The following SCAPER variants were observed in gnomAD, a reference collection of about 807,000 sequenced individuals.
SCAPER encodes the protein S-phase cyclin A associated protein in the ER, also known as S phase cyclin A-associated protein in the endoplasmic reticulum.
In SCAPER, 98 loss-of-function variants were observed where a neutral mutation model predicts 182.2. That is an observed-to-expected ratio of 0.54 (90% CI 0.46 to 0.64). SCAPER has a LOEUF of 0.64. Among genes scored for constraint, SCAPER ranks in the 30% least tolerant of loss-of-function variants. The pLI, the probability that SCAPER is intolerant of heterozygous loss-of-function variation, is 0.00. For synonymous variants in SCAPER, 605 were observed against 564.6 expected (o/e 1.07, Z -1.01); for missense variants, 1,432 against 1,690.0 (o/e 0.85, Z 2.68).
chr15:76,704,291 T>C (rs1287272934), intron 18 of SCAPER, among the ~76,000 whole-genome samples: 1 of 152,174 alleles, frequency 6.6e-6, no homozygotes. Flanking sequence ...ACTCTGATGG[T>C]AGTTTCTTTT....
intron 23 of SCAPER, among the ~76,000 whole-genome samples, chr15:76,513,965 T>C (rs951314843): frequency 5.9e-5 from 9 of 152,188 alleles, no homozygotes; most frequent in African/African-American, 2.2e-4. Flanking sequence ...CCCTTACCAC[T>C]TTCTACTTTA....
At chr15:76,428,566 T>C (rs758496160) in intron 26 of SCAPER, among the ~76,000 whole-genome samples, 14 of 151,964 alleles carry the variant, frequency 9.2e-5, no homozygotes, top group Admixed American at 3.9e-4. Context: ...AAGTGTGTAA[T>C]CTATAACGAG....
chr15:76,801,878 C>T (rs1180341331), intron 6 of SCAPER, among the ~76,000 whole-genome samples: 1 of 150,834 alleles, frequency 6.6e-6, no homozygotes, highest in Non-Finnish European at 1.5e-5. Context: ...CACTGCACTC[C>T]AGCCTGGGTT....
At chr15:76,777,843 T>C (rs1008791138) in intron 8 of SCAPER, among the ~76,000 whole-genome samples, 7 of 152,186 alleles carry the variant, frequency 4.6e-5, no homozygotes, top group African/African-American at 7.2e-5. Context: ...CACAGTAAGT[T>C]TGAAATATCA....
At chr15:76,591,274 G>A (rs1187386288) in intron 22 of SCAPER, among the ~76,000 whole-genome samples, 1 of 146,304 alleles carries the variant, frequency 6.8e-6, no homozygotes, top group Non-Finnish European at 1.6e-5. Context: ...AACCAGGGTG[G>A]AACCCTTCCG....
At chr15:76,756,660 T>G (rs2062454328) in intron 14 of SCAPER, among the ~76,000 whole-genome samples, 1 of 152,140 alleles carries the variant, frequency 6.6e-6, no homozygotes, top group Non-Finnish European at 1.5e-5. Context: ...ATGTTTGCTG[T>G]TTTAAGCTAC....
chr15:76,832,171 A>T (rs1037809935), intron 5 of SCAPER, among the ~76,000 whole-genome samples: 4 of 152,232 alleles, frequency 2.6e-5, no homozygotes, highest in Non-Finnish European at 5.9e-5. Flanking sequence ...TACAACTCAG[A>T]ATCTGGATGG....
chr15:76,794,417 T>A (rs1165354967), intron 8 of SCAPER, among the ~76,000 whole-genome samples: 1 of 152,246 alleles, frequency 6.6e-6, no homozygotes, highest in African/African-American at 2.4e-5. Flanking sequence ...CTAAAAGAAG[T>A]CTTGCCTACA....
chr15:76,579,592 T>A (rs746979587), intron 22 of SCAPER, among the ~76,000 whole-genome samples: 1 of 150,414 alleles, frequency 6.6e-6, no homozygotes, highest in African/African-American at 2.4e-5. Flanking sequence ...AAAATCACCT[T>A]CACTATGAGA....
intron 20 of SCAPER, among the ~76,000 whole-genome samples, chr15:76,688,567 CTTATTT>C (rs1227047862): frequency 3.3e-5 from 5 of 151,820 alleles, no homozygotes; most frequent in Non-Finnish European, 7.4e-5. Context: ...TTATGGTTTT[CTTATTT>C]TTAAGTCTTT....
At chr15:76,463,051 T>A (rs1169696049) in intron 25 of SCAPER, among the ~76,000 whole-genome samples, 1 of 152,086 alleles carries the variant, frequency 6.6e-6, no homozygotes, top group East Asian at 1.9e-4. Flanking sequence ...TATGAAGACC[T>A]CCTCTCCAGT....
At chr15:76,716,706 GAAGA>G (rs2059904559) in intron 17 of SCAPER, among the ~76,000 whole-genome samples, 1 of 151,680 alleles carries the variant, frequency 6.6e-6, no homozygotes, top group Non-Finnish European at 1.5e-5. Context: ...AGATCAAGCA[GAAGA>G]AAGAACCTTG....
chr15:76,602,123 T>G (rs1482774452), intron 22 of SCAPER, among the ~76,000 whole-genome samples: 1 of 121,740 alleles, frequency 8.2e-6, no homozygotes, highest in East Asian at 2.2e-4. Context: ...TAGAAAACAC[T>G]GTTGCTATTA....
intron 15 of SCAPER, among the ~76,000 whole-genome samples, chr15:76,747,397 G>A (rs1307589234): frequency 6.6e-6 from 1 of 152,104 alleles, no homozygotes; most frequent in Non-Finnish European, 1.5e-5. Flanking sequence ...AGCTACTCAG[G>A]AGGCTGAGGC....
At chr15:76,817,334 G>A (rs899491878) in intron 5 of SCAPER, among the ~76,000 whole-genome samples, 10 of 152,090 alleles carry the variant, frequency 6.6e-5, no homozygotes, top group Non-Finnish European at 1.5e-4. Context: ...AATAGTGTAT[G>A]ATCTCATTTA....
intron 29 of SCAPER, among the ~76,000 whole-genome samples, chr15:76,367,432 C>T (rs1403051431): frequency 2.6e-5 from 4 of 152,208 alleles, no homozygotes; most frequent in Admixed American, 2.6e-4. Context: ...AAAAACTGGT[C>T]ATGAATTAAA....
At chr15:76,885,500 T>C (rs977183363) in intron 1 of SCAPER, among the ~76,000 whole-genome samples, 2 of 152,366 alleles carry the variant, frequency 1.3e-5, no homozygotes, top group East Asian at 3.9e-4. Flanking sequence ...TTCACTCATT[T>C]TGAGACAGGG....
At chr15:76,413,796 C>A (rs983101823) in intron 26 of SCAPER, among the ~76,000 whole-genome samples, 13 of 152,136 alleles carry the variant, frequency 8.5e-5, no homozygotes, top group South Asian at 4.1e-4. Context: ...TGTGTTGTTT[C>A]CGTGGGACCT....
At chr15:76,566,463 T>C (rs535753008) in intron 23 of SCAPER, among the ~76,000 whole-genome samples, 80 of 152,248 alleles carry the variant, frequency 5.3e-4, no homozygotes, top group East Asian at 3.5e-3. Context: ...ACAAACTCCA[T>C]GTCCAATCCA....
Sources: gnomAD v4.1 joint callset for allele counts (sites outside exome capture counted in the v4.1 genomes callset) on GRCh38, gnomAD v4.1.1 for gene constraint, MANE v1.5 for transcripts, NCBI Gene and HGNC (gene_info 2026-07-23, HGNC 2026-07-21) for gene names.